Variants in ROBO2 observed in about 807,000 individuals in gnomAD.
ROBO2 encodes the protein roundabout homolog 2.
A neutral mutation model predicts 160.8 loss-of-function variants in ROBO2; 53 were observed. The ratio of observed to expected loss-of-function variants is 0.33; its 90% CI spans 0.26 to 0.41. The LOEUF (loss-of-function observed/expected upper bound fraction) is 0.41. Among genes scored for constraint, ROBO2 ranks in the 10% least tolerant of loss-of-function variants. The pLI, the probability that ROBO2 is intolerant of heterozygous loss-of-function variation, is 1.00. For synonymous variants in ROBO2, 664 were observed against 611.7 expected, an observed-to-expected ratio of 1.09 and a Z score of -1.26; for missense variants, 1,577 against 1,722.4, an observed-to-expected ratio of 0.92 and a Z score of 1.49.
chr3:76,309,240 A>G (rs2071462598), intron 2 of ROBO2, among the ~76,000 whole-genome samples: 2 of 152,220 alleles, frequency 1.3e-5, no homozygotes, highest in Non-Finnish European at 2.9e-5. Flanking sequence ...TAAACAGGAT[A>G]GTGACTGGAA....
intron 2 of ROBO2, among the ~76,000 whole-genome samples, chr3:76,918,940 A>G (rs1038219859): frequency 8.0e-5 from 12 of 149,662 alleles, no homozygotes; most frequent in Non-Finnish European, 1.8e-4. Context: ...TTTTTTTCAT[A>G]TGCTTGTGTT....
Position 76,711,190 on chromosome 3 carries a change from G to A in ROBO2, c.110-386824G>A, listed in dbSNP as rs528783253. 4.1e-4 allele frequency among the ~76,000 whole-genome samples: 63 copies of A among 152,286 alleles called. 1 individual carries two copies. The South Asian group carries it at 0.013, about 31-fold the overall frequency. ...CTCACATTTCTGCAGGATTAACAGG[G>A]AACATGACTAGGAAGTCTCAGGAAA... On this transcript the variant is annotated intron_variant, in intron 2 of 26. Coordinates refer to the ROBO2 transcript ENST00000487694.
At chr3:76,418,314 GCT>G (rs2075841370) in intron 2 of ROBO2, among the ~76,000 whole-genome samples, 1 of 93,106 alleles carries the variant, frequency 1.1e-5, no homozygotes, top group Admixed American at 1.1e-4. Flanking sequence ...TGCGATCTCG[GCT>G]CACTACAACC....
chr3:76,709,730 TAATTAGTTTTCAGATTAA>T (rs1313468295), intron 2 of ROBO2, among the ~76,000 whole-genome samples: 2 of 152,170 alleles, frequency 1.3e-5, no homozygotes, highest in Non-Finnish European at 2.9e-5. Context: ...AGAGCCAGGG[TAATTAGTTTTCAGATTAA>T]AATTAGTTTT....
chr3:76,829,207 A>G (rs2066852236), intron 2 of ROBO2, among the ~76,000 whole-genome samples: 1 of 152,114 alleles, frequency 6.6e-6, no homozygotes, highest in African/African-American at 2.4e-5. Context: ...CCTCACCTTT[A>G]ATTGGCAACC....
chr3:76,031,352 A>G (rs1011127845), intron 2 of ROBO2, among the ~76,000 whole-genome samples: 25 of 152,088 alleles, frequency 1.6e-4, no homozygotes, highest in African/African-American at 5.6e-4. Flanking sequence ...AATACCCTTT[A>G]TTTCTTTCTC....
At chr3:77,435,720 A>G (rs553183512) in intron 2 of ROBO2, among the ~76,000 whole-genome samples, 3 of 151,816 alleles carry the variant, frequency 2.0e-5, no homozygotes, top group Non-Finnish European at 2.9e-5. Flanking sequence ...CTACAGATCA[A>G]TGTGTATGTG....
intron 2 of ROBO2, among the ~76,000 whole-genome samples, chr3:76,026,900 G>A (rs1172745018): frequency 6.6e-6 from 1 of 151,798 alleles, no homozygotes; most frequent in East Asian, 1.9e-4. Flanking sequence ...GGACTGCCTC[G>A]AGAGGTCTCA....
At chr3:77,647,651 C>T (rs1012258906) in exon 26 of ROBO2, 1 of 152,072 alleles carries the variant, frequency 6.6e-6, no homozygotes, top group Admixed American at 6.6e-5. Flanking sequence ...TAGAAGAGGA[C>T]CTTCCTGAAA....
chr3:76,111,678 G>T (rs2108238273), intron 2 of ROBO2, among the ~76,000 whole-genome samples: 2 of 152,046 alleles, frequency 1.3e-5, no homozygotes, highest in East Asian at 3.9e-4. Flanking sequence ...AAATATAGCT[G>T]TCCTGAAGAG....
chr3:77,001,743 TC>T (rs1284497872), intron 2 of ROBO2, among the ~76,000 whole-genome samples: 1 of 152,158 alleles, frequency 6.6e-6, no homozygotes, highest in Non-Finnish European at 1.5e-5. Flanking sequence ...TGAACATCCT[TC>T]TAATCCTTAA....
intron 2 of ROBO2, among the ~76,000 whole-genome samples, chr3:76,912,733 G>C (rs575450016): frequency 3.3e-5 from 5 of 152,006 alleles, no homozygotes; most frequent in Admixed American, 6.6e-5. Flanking sequence ...TAAAATTTCC[G>C]TTTCACTAAA....
chr3:76,997,721 C>A (rs2061100553), intron 2 of ROBO2, among the ~76,000 whole-genome samples: 1 of 152,140 alleles, frequency 6.6e-6, no homozygotes, highest in African/African-American at 2.4e-5. Flanking sequence ...CCTCACTGGG[C>A]ATATCACTTA....
chr3:76,929,486 C>A (rs886192563), intron 2 of ROBO2, among the ~76,000 whole-genome samples: 4 of 152,206 alleles, frequency 2.6e-5, no homozygotes, highest in African/African-American at 9.6e-5. Flanking sequence ...ACACTCACTA[C>A]TATCAACCTT....
intron 2 of ROBO2, among the ~76,000 whole-genome samples, chr3:77,195,661 G>T (rs966383139): frequency 1.3e-5 from 2 of 152,090 alleles, no homozygotes; most frequent in African/African-American, 2.4e-5. Context: ...TTTTTAGAAC[G>T]AAATATAAGC....
intron 2 of ROBO2, among the ~76,000 whole-genome samples, chr3:76,370,069 T>C (rs2076028909): frequency 6.6e-6 from 1 of 151,966 alleles, no homozygotes; most frequent in Non-Finnish European, 1.5e-5. Flanking sequence ...TAGAACATGC[T>C]ATGTAGAATA....
In ROBO2 at chr3:77,266,787, G is replaced by A. The variant is rs144605311; in HGVS notation, c.388+168447G>A. On this transcript the variant is annotated intron_variant, in intron 2 of 25. Transcript: ENST00000461745. ...AAGATTGTTGTGAGAAGGAAATTAA[G>A]TGATTTATGTAAGGGTCACAATGCC... Among the ~76,000 whole-genome samples the A allele has an allele frequency of 1.2e-3, 183 of 152,216 alleles. 1 individual carries two copies. The highest frequency in any genetic ancestry group is 3.1e-3 in the Admixed American group (47 of 15,274).
Position 77,001,029 on chromosome 3 carries a change from T to A in ROBO2, c.110-96985T>A, listed in dbSNP as rs2061310793. ...GTTTTTCAAGTTTACCCAACAGCCA[T>A]CATTTGCGTGCCTGCTAAATTTCTA... On this transcript the variant is annotated intron_variant, in intron 2 of 26. Transcript: ENST00000487694. Among the ~76,000 whole-genome samples, 3 of 152,168 alleles carry A rather than the reference T, an allele frequency of 2.0e-5. No individual in the cohort carries two copies. The South Asian group carries it at 6.2e-4, about 32-fold the overall frequency.
At chr3:76,840,238 T>A (rs2068091864) in intron 2 of ROBO2, among the ~76,000 whole-genome samples, 1 of 152,136 alleles carries the variant, frequency 6.6e-6, no homozygotes, top group African/African-American at 2.4e-5. Context: ...GTTTGGTTGC[T>A]CTTGCTTTTC....
Sources: allele counts gnomAD v4.1 joint callset (sites outside exome capture counted in the v4.1 genomes callset), GRCh38; gene constraint gnomAD v4.1.1; transcripts MANE v1.5; gene names NCBI Gene and HGNC (gene_info 2026-07-23, HGNC 2026-07-21).